Variants in TMEM121 observed in about 807,000 individuals in gnomAD.
TMEM121 encodes transmembrane protein 121, also known as transmembrane protein 121A.
Under a neutral mutation model 16.4 loss-of-function variants are expected in TMEM121, and 8 were observed. That is an observed-to-expected ratio of 0.49 (90% CI 0.29 to 0.88). The LOEUF (loss-of-function observed/expected upper bound fraction) is 0.88, where lower values mean the gene tolerates loss of function less well. TMEM121 is among the 40% of genes least tolerant of loss of function. The probability of loss-of-function intolerance (pLI) is 0.09; values close to 1 mark genes in which losing one functional copy is unlikely to be tolerated. For synonymous variants in TMEM121, 235 were observed against 226.2 expected, an observed-to-expected ratio of 1.04 and a Z score of -0.35; for missense variants, 401 against 462.0, an observed-to-expected ratio of 0.87 and a Z score of 1.21.
In TMEM121 at chr14:105,526,966, C is replaced by T. The variant is rs1555443871; in HGVS notation, c.-114+313C>T. On this transcript the variant is annotated intron_variant, in intron 1 of 1. Coordinates refer to ENST00000392519, the MANE Select transcript of TMEM121 (RefSeq NM_025268.4). The surrounding 1 kb of genome is among the most constrained non-coding windows in gnomAD (Gnocchi z 6.8). ...CGAGGGGTGGTTATGGGGCGAGGGT[C>T]CTTGCGGGGCCCGGGCAGTGAAGGG... 6.6e-6 allele frequency: 1 copy of T among 152,154 alleles called. No individual in the cohort carries two copies. Among genetic ancestry groups the T allele is most frequent in the South Asian group, 2.1e-4 (1 of 4,818 alleles). The allele number at this position is 152,154 out of a possible 1,614,324, so 9.4% of individuals were successfully genotyped here.
chr14:105,527,931 CGGGCCTTGGTGG>C, intron 1 of TMEM121, among the ~76,000 whole-genome samples: 1 of 152,050 alleles, frequency 6.6e-6, no homozygotes, highest in South Asian at 2.1e-4. Context: ...GGAAGCCCGA[CGGGCCTTGGTGG>C]ACGGGCTTCC....
Position 105,529,630 on chromosome 14 carries a change from GAGT to G in TMEM121, c.798_800del (p.Glu266_Tyr267delinsAsp). The G allele has an allele frequency of 6.3e-7, 1 of 1,580,536 alleles. No homozygotes were observed. The highest frequency in any genetic ancestry group is 8.5e-7 in the Non-Finnish European group (1 of 1,171,972). ...CGCCACCAAGGCCTGCACCTTCCTG[GAGT>G]ACCGCCGCCAGGTGCGCGACTTCCC... On this transcript the variant is annotated inframe_deletion, in exon 2 of 2. Transcript: ENST00000392519.
chr14:105,528,579 A>G, intron 1 of TMEM121, 143 bp from the exon 2 acceptor site: 1 of 226,520 alleles, frequency 4.4e-6, no homozygotes, highest in Admixed American at 6.0e-5. Flanking sequence ...CGGTTCGCGC[A>G]TGGGCGCAGG....
Position 105,528,938 on chromosome 14 carries a change from G to C in TMEM121, c.104G>C (p.Gly35Ala). 6.2e-7 allele frequency: 1 copy of C among 1,601,078 alleles called. No homozygotes were observed. Among genetic ancestry groups the C allele is most frequent in the Non-Finnish European group, 8.5e-7 (1 of 1,174,328 alleles). ...MDAYLVEQNQGPRKIGVCIIV... is the reference protein window; with the variant it reads ...MDAYLVEQNQAPRKIGVCIIV... Reference sequence around the variant, plus strand: ...GCGTACCTGGTGGAGCAGAACCAGGGCCCGCGCAAGATCGGCGTGTGCATC... The same window carrying C: ...GCGTACCTGGTGGAGCAGAACCAGGCCCCGCGCAAGATCGGCGTGTGCATC... Residue 35 changes from glycine to alanine, a missense_variant, in exon 2 of 2, where the codon GGC becomes GCC. Gly to Ala is a moderately conservative substitution (Grantham distance 60). Coordinates refer to ENST00000392519, the MANE Select transcript of TMEM121 (RefSeq NM_025268.4).
Position 105,529,437 on chromosome 14 carries a change from G to A in TMEM121, c.603G>A (p.Glu201=). ...TGCTGCCGTGCGTGGCGCTCAGCGA[G>A]GTCAGCATGCAGGGCGAGCACATAG... ...LLVLPCVALS[E]VSMQGEHIAP... is the part of the protein sequence containing the mutation. Residue 201 remains glutamate (E), a synonymous_variant, in exon 2 of 2, where the codon GAG becomes GAA. Coordinates refer to ENST00000392519, the MANE Select transcript of TMEM121 (RefSeq NM_025268.4). The A allele has an allele frequency of 6.5e-7, 1 of 1,546,408 alleles. No homozygotes were observed. Among genetic ancestry groups the A allele is most frequent in the Non-Finnish European group, 8.7e-7 (1 of 1,146,886 alleles).
At position 105,529,693 on chromosome 14, in the gene TMEM121, C is replaced by T. The variant is rs940392282; in HGVS notation, c.859C>T (p.Pro287Ser). ...GCTATCACTGGAGCTGCAGCCGCCA[C>T]CCCCGCAGCGCAACTCGGTGCCGCC... ...PALSLELQPP[P>S]PQRNSVPPPP... The change falls in exon 2 of 2, where the codon CCC (proline) becomes TCC (serine). Residue 287 changes from proline to serine, a missense_variant. Transcript: ENST00000392519. The T allele has an allele frequency of 5.2e-6, 8 of 1,544,576 alleles. No homozygotes were observed. The highest frequency in any genetic ancestry group is 6.9e-6 in the Non-Finnish European group (8 of 1,153,588).
Position 105,526,808 on chromosome 14 carries a change from C to T in TMEM121, c.-114+155C>T, listed in dbSNP as rs1463461980. 2.7e-5 allele frequency among the ~76,000 whole-genome samples: 4 copies of T among 149,108 alleles called. No homozygotes were observed. In the East Asian group the frequency reaches 8.0e-4, roughly 30 times the overall value. The stretch of plus-strand genomic sequence containing the variant: ...GTGAGGCCTGGGGCCGGCGGGGTGA[C>T]GGGGACCCGGCCCTGCGTGGGGAAG... On this transcript the variant is annotated intron_variant, in intron 1 of 1. Coordinates refer to ENST00000392519, the MANE Select transcript of TMEM121 (RefSeq NM_025268.4). The surrounding 1 kb of genome is among the most constrained non-coding windows in gnomAD (Gnocchi z 6.8).
rs782177220 is a variant in TMEM121 at position 105,528,981 on chromosome 14, C to G, written c.147C>G (p.Asp49Glu). ...TGTGCATCATCGTGCTGGTGGGCGA[C>G]GTGTGCTTCCTGCTGGTGCTGCGCT... is the stretch of plus-strand genomic sequence containing the variant. ...IGVCIIVLVGDVCFLLVLRYV... is the reference protein window; with the variant it reads ...IGVCIIVLVGEVCFLLVLRYV... The change falls in exon 2 of 2, where the codon GAC becomes GAG. Residue 49 changes from aspartate to glutamate, a missense_variant. Transcript: ENST00000392519. 2 of 1,611,772 alleles carry G rather than the reference C, an allele frequency of 1.2e-6. No homozygotes were observed. The highest frequency in any genetic ancestry group is 2.2e-5 in the South Asian group (2 of 90,878).
In TMEM121 at chr14:105,528,210, A is replaced by G. The variant is rs1459527885; in HGVS notation, c.-113-512A>G. On this transcript the variant is annotated intron_variant, in intron 1 of 1. Transcript: ENST00000392519. ...AGGCTTGTGGGACGGATGCATCGGG[A>G]CCTGGGTGGCTCTCGGTCCGGGATC... 2.0e-5 allele frequency among the ~76,000 whole-genome samples: 3 copies of G among 151,224 alleles called. No homozygotes were observed. The East Asian group carries it at 5.9e-4, about 29-fold the overall frequency.
rs782698761 is a variant in TMEM121, at chr14:105,529,722, G to A, written c.888G>A (p.Pro296=). ...CGCAGCGCAACTCGGTGCCGCCGCC[G>A]CCGCCGCCGCTGCACGGCCCGCCTG... The part of the protein sequence containing the change: ...PPPQRNSVPP[P]PPPLHGPPGR... Residue 296 remains proline, a synonymous_variant, in exon 2 of 2, where the codon CCG becomes CCA. Coordinates refer to ENST00000392519, the MANE Select transcript of TMEM121 (RefSeq NM_025268.4). 5.1e-4 allele frequency: 779 copies of A among 1,527,664 alleles called. 5 individuals are homozygous for A. The African/African-American group carries it at 9.8e-3, about 19-fold the overall frequency. 94.6% of individuals were successfully genotyped at this position (1,527,664 alleles called of 1,614,324 possible). A position where few individuals can be genotyped will look rare whatever the true frequency, so the allele number is the denominator to read the frequency against.
Position 105,530,133 on chromosome 14 carries a change from G to A in TMEM121, c.*339G>A. On this transcript the variant is annotated 3_prime_UTR_variant, in exon 2 of 2. Transcript: ENST00000392519. ...TCTGCTCCTTCGGTGGGGGCCTCTG[G>A]CTCAGATTTGGGGCCAAGGAGGCCT... 2 of 324,102 alleles carry A rather than the reference G, an allele frequency of 6.2e-6. No homozygotes were observed. The highest frequency in any genetic ancestry group is 5.7e-6 in the Non-Finnish European group (1 of 175,992). 20.1% of individuals were successfully genotyped at this position (324,102 alleles called of 1,614,324 possible).
At position 105,529,294 on chromosome 14, in the gene TMEM121, G is replaced by A. The variant is rs1555444233; in HGVS notation, c.460G>A (p.Ala154Thr). 1.3e-6 allele frequency: 2 copies of A among 1,540,660 alleles called. No homozygotes were observed. Among genetic ancestry groups the A allele is most frequent in the East Asian group, 4.9e-5 (2 of 40,908 alleles). Residue 154 changes from alanine (A) to threonine (T), a missense_variant, in exon 2 of 2, where the codon GCG becomes ACG. Coordinates refer to ENST00000392519, the MANE Select transcript of TMEM121 (RefSeq NM_025268.4). ...CCTGCGCGGCCGCCTGTTTTGGGTG[G>A]CGCTGGACCTGCTGGACCTGCTGGA... ...EDLRGRLFWV[A>T]LDLLDLLDMQ... is the part of the protein sequence containing the mutation.
chr14:105,527,237 T>A (rs1044590107), intron 1 of TMEM121: 3 of 152,070 alleles, frequency 2.0e-5, no homozygotes, highest in Non-Finnish European at 2.9e-5. Flanking sequence ...GACAGCGTAG[T>A]GGGGCGGAGG....
At chr14:105,527,691 C>G (rs1333072094) in intron 1 of TMEM121, among the ~76,000 whole-genome samples, 1 of 151,708 alleles carries the variant, frequency 6.6e-6, no homozygotes, top group Non-Finnish European at 1.5e-5. Flanking sequence ...GTCACGGGGA[C>G]ATTAAATTTT....
Position 105,528,783 on chromosome 14 carries a change from C to G in TMEM121, c.-52C>G. ...CTGGCTGAGCGCCGCAGGGCCTCGT[C>G]CCGCCAGGCGTGGGGGCCGCGCGCG... On this transcript the variant is annotated 5_prime_UTR_variant, in exon 2 of 2. Coordinates refer to ENST00000392519, the MANE Select transcript of TMEM121 (RefSeq NM_025268.4). 7.8e-7 allele frequency: 1 copy of G among 1,276,786 alleles called. No individual in the cohort carries two copies. Among genetic ancestry groups the G allele is most frequent in the Non-Finnish European group, 9.8e-7 (1 of 1,018,120 alleles). 79.1% of individuals were successfully genotyped at this position (1,276,786 alleles called of 1,614,324 possible).
At position 105,529,428 on chromosome 14, in the gene TMEM121, G is replaced by T; in HGVS notation, c.594G>T (p.Ala198=). 2 of 1,545,906 alleles carry T rather than the reference G, an allele frequency of 1.3e-6. No homozygotes were observed. The highest frequency in any genetic ancestry group is 1.2e-5 in the South Asian group (1 of 84,028). The change falls in exon 2 of 2, where the codon GCG becomes GCT. Residue 198 remains alanine, a synonymous_variant. Transcript: ENST00000392519. ...YMLLLVLPCV[A]LSEVSMQGEH... is the part of the protein sequence containing the mutation. The stretch of plus-strand genomic sequence containing the variant: ...TGCTGCTGGTGCTGCCGTGCGTGGC[G>T]CTCAGCGAGGTCAGCATGCAGGGCG...
At position 105,529,969 on chromosome 14, in the gene TMEM121, G is replaced by T. The variant is rs1555444416; in HGVS notation, c.*175G>T. 3.2e-6 allele frequency: 2 copies of T among 628,096 alleles called. No individual in the cohort carries two copies. The highest frequency in any genetic ancestry group is 5.1e-6 in the Non-Finnish European group (2 of 392,830). The allele number at this position is 628,096 out of a possible 1,614,324, so 38.9% of individuals were successfully genotyped here. The stretch of plus-strand genomic sequence containing the variant: ...TCATCTCAGGAATCTCTCGGACCGC[G>T]GATCCTCAGCCCCCGCTCCACCAGC... On this transcript the variant is annotated 3_prime_UTR_variant, in exon 2 of 2. Coordinates refer to ENST00000392519, the MANE Select transcript of TMEM121 (RefSeq NM_025268.4).
In TMEM121 at chr14:105,530,060, T is replaced by A. The variant is rs924729261; in HGVS notation, c.*266T>A. 1.9e-5 allele frequency: 8 copies of A among 428,076 alleles called. No homozygotes were observed. The highest frequency in any genetic ancestry group is 3.9e-5 in the East Asian group (1 of 25,434). 26.5% of individuals were successfully genotyped at this position (428,076 alleles called of 1,614,324 possible). On this transcript the variant is annotated 3_prime_UTR_variant, in exon 2 of 2. Coordinates refer to ENST00000392519, the MANE Select transcript of TMEM121 (RefSeq NM_025268.4). Reference sequence around the variant, plus strand: ...AGCAGAGCAGAGGTGATCCGGCCCCTGCCTGCTGGGCCGCCCGGGTTGGAA... The same window carrying A: ...AGCAGAGCAGAGGTGATCCGGCCCCAGCCTGCTGGGCCGCCCGGGTTGGAA...
rs2084610918 is a variant in TMEM121, at chr14:105,528,792, C to T, written c.-43C>T. On this transcript the variant is annotated 5_prime_UTR_variant, in exon 2 of 2. Transcript: ENST00000392519. The stretch of plus-strand genomic sequence containing the variant: ...CGCCGCAGGGCCTCGTCCCGCCAGG[C>T]GTGGGGGCCGCGCGCGCCCAGGCCG... 1 of 1,339,102 alleles carries T rather than the reference C, an allele frequency of 7.5e-7. No individual in the cohort carries two copies. Among genetic ancestry groups the T allele is most frequent in the South Asian group, 2.0e-5 (1 of 50,644 alleles). The allele number at this position is 1,339,102 out of a possible 1,614,324, so 83.0% of individuals were successfully genotyped here.
Sources: gnomAD v4.1 joint callset for allele counts (sites outside exome capture counted in the v4.1 genomes callset) on GRCh38, gnomAD v4.1.1 for gene constraint, Gnocchi (gnomAD v3.1) non-coding constraint, MANE v1.5 for transcripts, NCBI Gene and HGNC (gene_info 2026-07-23, HGNC 2026-07-21) for gene names.